USP31: variants seen among roughly 807,000 people sequenced by gnomAD.
USP31 encodes ubiquitin specific peptidase 31.
USP31 carries 44 observed loss-of-function variants against 119.4 expected under a neutral mutation model. The ratio of observed to expected loss-of-function variants is 0.37; its 90% CI spans 0.29 to 0.47. The LOEUF is 0.47. USP31 is among the 20% of genes least tolerant of loss of function. The probability of loss-of-function intolerance (pLI) is 0.99; values close to 1 mark genes in which losing one functional copy is unlikely to be tolerated. For synonymous variants in USP31, 749 were observed against 705.6 expected, an observed-to-expected ratio of 1.06 and a Z score of -0.97; for missense variants, 1,643 against 1,730.2, an observed-to-expected ratio of 0.95 and a Z score of 0.89.
chr16:23,101,994 A>C (rs1452344916), intron 6 of USP31, among the ~76,000 whole-genome samples: 1 of 150,598 alleles, frequency 6.6e-6, no homozygotes, highest in Non-Finnish European at 1.5e-5. Flanking sequence ...AAAAAAAAAA[A>C]ACCTATGGCA....
At chr16:23,081,253 ACT>A (rs1294888575) in intron 12 of USP31, among the ~76,000 whole-genome samples, 2 of 152,078 alleles carry the variant, frequency 1.3e-5, no homozygotes, top group Non-Finnish European at 1.5e-5. Flanking sequence ...CCAGGAAATT[ACT>A]CTGTGTCTGG....
At chr16:23,078,247 G>A (rs149245721) in intron 13 of USP31, among the ~76,000 whole-genome samples, 3,746 of 150,748 alleles carry the variant, frequency 0.025, 68 homozygotes, top group Admixed American at 0.042. Flanking sequence ...GGGAGGCGGA[G>A]GTTACAGTGA....
At chr16:23,118,692 C>T (rs1346585313) in intron 1 of USP31, among the ~76,000 whole-genome samples, 6 of 152,202 alleles carry the variant, frequency 3.9e-5, no homozygotes, top group Non-Finnish European at 7.3e-5. Context: ...AATATTACTT[C>T]CCCAATACCT....
chr16:23,111,491 T>C (rs1438660185), intron 1 of USP31, among the ~76,000 whole-genome samples: 1 of 152,172 alleles, frequency 6.6e-6, no homozygotes, highest in African/African-American at 2.4e-5. Flanking sequence ...TTCGAATCCA[T>C]TGTAGCTGAA....
chr16:23,143,542 T>C (rs1452940551), intron 1 of USP31, among the ~76,000 whole-genome samples: 1 of 140,034 alleles, frequency 7.1e-6, no homozygotes, highest in Non-Finnish European at 1.5e-5. Flanking sequence ...CAAACACATA[T>C]ACACACTCAG....
intron 1 of USP31, among the ~76,000 whole-genome samples, chr16:23,122,502 T>G (rs571415487): frequency 1.3e-5 from 2 of 152,330 alleles, no homozygotes; most frequent in African/African-American, 4.8e-5. Flanking sequence ...TAAAAATCTG[T>G]ATGTGAATGT....
intron 1 of USP31, among the ~76,000 whole-genome samples, chr16:23,123,412 C>T (rs1400408238): frequency 2.6e-5 from 4 of 152,058 alleles, no homozygotes; most frequent in African/African-American, 7.2e-5. Flanking sequence ...TTGGTGCCCG[C>T]CTGTAATTCC....
chr16:23,078,855 T>G (rs1217374326), intron 13 of USP31: 1 of 152,062 alleles, frequency 6.6e-6, no homozygotes, highest in African/African-American at 2.4e-5. Context: ...ACCAAAATAT[T>G]ACCTACATAC....
In USP31 at chr16:23,080,028, G is replaced by T; in HGVS notation, c.2094C>A (p.Leu698=). Reference sequence around the variant, plus strand: ...AGATGTAGTCCTCAGGGTCCCTCCCGAGTCCATAGGGCCGTCTCCACGGGG... The same window carrying T: ...AGATGTAGTCCTCAGGGTCCCTCCCTAGTCCATAGGGCCGTCTCCACGGGG... ...HWSPWRRPYG[L]GRDPEDYIYD... The change falls in exon 13 of 16, where the codon CTC becomes CTA. Residue 698 remains leucine, a synonymous_variant. Coordinates refer to ENST00000219689, the MANE Select transcript of USP31 (RefSeq NM_020718.4). The T allele has an allele frequency of 6.2e-7, 1 of 1,613,994 alleles. No individual in the cohort carries two copies. The highest frequency in any genetic ancestry group is 8.5e-7 in the Non-Finnish European group (1 of 1,180,010).
chr16:23,086,332 T>C (rs776329212), intron 9 of USP31, among the ~76,000 whole-genome samples: 8 of 151,878 alleles, frequency 5.3e-5, no homozygotes, highest in Non-Finnish European at 1.2e-4. Flanking sequence ...GTTGAAAAAA[T>C]CATTATAATA....
At chr16:23,083,152 T>C (rs527562736) in intron 11 of USP31, among the ~76,000 whole-genome samples, 1 of 152,294 alleles carries the variant, frequency 6.6e-6, no homozygotes, top group South Asian at 2.1e-4. Flanking sequence ...CTATGTGCCA[T>C]GCACTGCTCT....
chr16:23,102,177 T>C, intron 6 of USP31, 142 bp downstream of exon 6: 6 of 953,242 alleles, frequency 6.3e-6, no homozygotes, highest in Non-Finnish European at 8.7e-6. Flanking sequence ...ATTTTTACCA[T>C]TATACCATCA....
chr16:23,075,784 T>C (rs1467435568), intron 13 of USP31, among the ~76,000 whole-genome samples: 3 of 152,144 alleles, frequency 2.0e-5, no homozygotes, highest in Non-Finnish European at 4.4e-5. Flanking sequence ...AAATAAAGAT[T>C]ACATCAAAAT....
At chr16:23,146,966 T>TAAA (rs35550112) in intron 1 of USP31, among the ~76,000 whole-genome samples, 1 of 131,676 alleles carries the variant, frequency 7.6e-6, no homozygotes, top group Non-Finnish European at 1.6e-5. Context: ...TTGTTCTGTT[T>TAAA]AAAAAAAAAA....
chr16:23,087,084 T>C lies in USP31; in HGVS notation c.1622+8A>G. 6.2e-7 allele frequency: 1 copy of C among 1,602,162 alleles called. No individual in the cohort carries two copies. Among genetic ancestry groups the C allele is most frequent in the African/African-American group, 1.3e-5 (1 of 74,114 alleles). On this transcript the variant is annotated splice_region_variant and intron_variant, in intron 9 of 15. Transcript: ENST00000219689. Reference sequence around the variant, plus strand: ...CTAAAAGGTAATTTAAAAAAAAATTTTTTTTACCTTTCTACTATTGGGTGG... The same window carrying C: ...CTAAAAGGTAATTTAAAAAAAAATTCTTTTTACCTTTCTACTATTGGGTGG...
intron 6 of USP31, among the ~76,000 whole-genome samples, chr16:23,094,732 A>G (rs889695997): frequency 6.6e-6 from 1 of 152,202 alleles, no homozygotes; most frequent in African/African-American, 2.4e-5. Flanking sequence ...GTGGACCTCC[A>G]GCAAACTCCA....
At chr16:23,115,812 T>G (rs1242647946) in intron 1 of USP31, 1 of 981,620 alleles carries the variant, frequency 1.0e-6, no homozygotes, top group Non-Finnish European at 1.2e-6. Flanking sequence ...AAAGAGAGAA[T>G]GTTTTTATTT....
rs529605659 is a variant in USP31, at chr16:23,071,919, T to G, written c.2488+126A>C. The G allele has an allele frequency of 6.3e-6, 8 of 1,278,152 alleles. No homozygotes were observed. The African/African-American group carries it at 8.9e-5, about 14-fold the overall frequency. 79.2% of individuals were successfully genotyped at this position (1,278,152 alleles called of 1,614,324 possible). On this transcript the variant is annotated intron_variant, in intron 15 of 15. Coordinates refer to ENST00000219689, the MANE Select transcript of USP31 (RefSeq NM_020718.4). The stretch of plus-strand genomic sequence containing the variant: ...ATAACTCACAGCTACACAGCTCCAC[T>G]CCCTGTAGCTCCCTTTGGGTTCTCC...
intron 1 of USP31, among the ~76,000 whole-genome samples, chr16:23,131,637 C>G (rs1230370216): frequency 6.6e-6 from 1 of 152,042 alleles, no homozygotes; most frequent in East Asian, 1.9e-4. Flanking sequence ...AATGGGAGGG[C>G]ATTTGATGCT....
Sources: gnomAD v4.1 joint callset for allele counts (sites outside exome capture counted in the v4.1 genomes callset) on GRCh38, gnomAD v4.1.1 for gene constraint, MANE v1.5 for transcripts, NCBI Gene and HGNC (gene_info 2026-07-23, HGNC 2026-07-21) for gene names.